Variants in COL25A1 observed in about 807,000 individuals in gnomAD.
COL25A1 encodes collagen alpha-1(XXV) chain.
Under a neutral mutation model 128.4 loss-of-function variants are expected in COL25A1, and 103 were observed. The observed-to-expected ratio is 0.80, with a 90% CI of 0.68 to 0.94. COL25A1 has a LOEUF of 0.94. Among genes scored for constraint, COL25A1 ranks in the 40% least tolerant of loss-of-function variants. The pLI is 0.00. For missense variants in COL25A1, 745 were observed against 840.0 expected (o/e 0.89, Z 1.40); for synonymous variants, 279 against 277.2 (o/e 1.01, Z -0.06).
chr4:108,984,489 G>T (rs575868328), intron 6 of COL25A1, among the ~76,000 whole-genome samples: 1 of 152,168 alleles, frequency 6.6e-6, no homozygotes, highest in Admixed American at 6.5e-5. Context: ...CATGAGGGGG[G>T]CGGGAGGGAG....
chr4:109,143,827 T>C (rs957501466), intron 3 of COL25A1, among the ~76,000 whole-genome samples: 1 of 152,194 alleles, frequency 6.6e-6, no homozygotes, highest in African/African-American at 2.4e-5. Context: ...CTTCCTTGCA[T>C]TGGGTTACAG....
chr4:108,981,370 T>C (rs1176051611), intron 6 of COL25A1, among the ~76,000 whole-genome samples: 2 of 152,218 alleles, frequency 1.3e-5, no homozygotes, highest in Non-Finnish European at 2.9e-5. Context: ...TAAGTTGTTT[T>C]ATAGACTTTC....
intron 16 of COL25A1, among the ~76,000 whole-genome samples, chr4:108,891,357 T>C (rs1427230043): frequency 2.6e-5 from 4 of 152,218 alleles, no homozygotes; most frequent in Non-Finnish European, 5.9e-5. Flanking sequence ...AAGACCCTAA[T>C]ACTGTCTTAC....
At chr4:109,010,701 TAAAG>T (rs1014397305) in intron 5 of COL25A1, among the ~76,000 whole-genome samples, 6 of 152,178 alleles carry the variant, frequency 3.9e-5, no homozygotes, top group Admixed American at 6.5e-5. Flanking sequence ...AGGGGTTACT[TAAAG>T]AAAGAGTCTT....
At chr4:108,875,822 T>A (rs1739380201) in intron 19 of COL25A1, among the ~76,000 whole-genome samples, 4 of 152,116 alleles carry the variant, frequency 2.6e-5, no homozygotes. Context: ...CAAATGTCCA[T>A]CAATGAGAGA....
chr4:109,218,270 T>C (rs1778148778), intron 3 of COL25A1, among the ~76,000 whole-genome samples: 1 of 151,704 alleles, frequency 6.6e-6, no homozygotes, highest in South Asian at 2.1e-4. Context: ...ACTTTGTACA[T>C]TAGGAGACAT....
chr4:109,114,958 C>T (rs577955418), intron 3 of COL25A1, among the ~76,000 whole-genome samples: 1 of 152,148 alleles, frequency 6.6e-6, no homozygotes, highest in Admixed American at 6.6e-5. Flanking sequence ...AATCAAACAA[C>T]AGTCAAATTA....
rs1398828747 is a variant in COL25A1, at chr4:109,208,497, AC to A, written c.367+92085del. ...ATATCAGTTAATAAAAAAAAAAAAA[AC>A]AAATTATTAAATCTCATTCAGATAG... On this transcript the variant is annotated intron_variant, in intron 3 of 37. Transcript: ENST00000399132. 2.7e-5 allele frequency among the ~76,000 whole-genome samples: 4 copies of A among 149,624 alleles called. No individual in the cohort carries two copies. The East Asian group carries it at 8.9e-4, about 33-fold the overall frequency.
At chr4:109,178,854 A>G (rs1274483088) in intron 3 of COL25A1, among the ~76,000 whole-genome samples, 2 of 151,094 alleles carry the variant, frequency 1.3e-5, no homozygotes, top group East Asian at 3.9e-4. Flanking sequence ...AAAAAAAAAA[A>G]AAAAAATGGA....
intron 3 of COL25A1, among the ~76,000 whole-genome samples, chr4:109,299,695 T>A (rs1280028140): frequency 6.6e-6 from 1 of 152,204 alleles, no homozygotes; most frequent in Non-Finnish European, 1.5e-5. Context: ...GAAACTATCA[T>A]GTTCATAAAT....
At chr4:109,237,231 T>G (rs946062482) in intron 3 of COL25A1, among the ~76,000 whole-genome samples, 5 of 151,966 alleles carry the variant, frequency 3.3e-5, no homozygotes, top group Non-Finnish European at 7.4e-5. Flanking sequence ...AAAAAAACAT[T>G]TCTAATGTGA....
rs562934713 is a variant in COL25A1 at position 108,937,759 on chromosome 4, T to C, written c.708+49A>G. On this transcript the variant is annotated intron_variant, in intron 11 of 37. Coordinates refer to ENST00000399132, the MANE Select transcript of COL25A1 (RefSeq NM_198721.4). ...TCATCACACATAATCTTGACCATAGTTGTAAACAACCAGGCTTAGTATAGA... is the reference window on the plus strand; with the variant it reads ...TCATCACACATAATCTTGACCATAGCTGTAAACAACCAGGCTTAGTATAGA... 3.0e-5 allele frequency: 45 copies of C among 1,479,396 alleles called. No homozygotes were observed. In the African/African-American group the frequency reaches 5.9e-4, roughly 20 times the overall value. The allele number at this position is 1,479,396 out of a possible 1,614,324, so 91.6% of individuals were successfully genotyped here. A position where few individuals can be genotyped will look rare whatever the true frequency, so the allele number is the denominator to read the frequency against.
chr4:108,858,009 T>C (rs1736719675), intron 24 of COL25A1, among the ~76,000 whole-genome samples: 1 of 151,932 alleles, frequency 6.6e-6, no homozygotes, highest in African/African-American at 2.4e-5. Context: ...AGAATTTATA[T>C]GGGAAAGAAA....
rs150760453 is a variant in COL25A1, at chr4:109,228,242, C to T, written c.367+72341G>A. On this transcript the variant is annotated intron_variant, in intron 3 of 37. Coordinates refer to ENST00000399132, the MANE Select transcript of COL25A1 (RefSeq NM_198721.4). Reference sequence around the variant, plus strand: ...CCTCACAGACACACCTAAAATAATGCTCTACCAGGTTTCTAGGTACTCCTT... The same window carrying T: ...CCTCACAGACACACCTAAAATAATGTTCTACCAGGTTTCTAGGTACTCCTT... 3.3e-5 allele frequency among the ~76,000 whole-genome samples: 5 copies of T among 152,204 alleles called. No homozygotes were observed. The East Asian group carries it at 9.6e-4, about 29-fold the overall frequency.
At chr4:109,008,750 C>T (rs1162604552) in intron 6 of COL25A1, among the ~76,000 whole-genome samples, 2 of 41,864 alleles carry the variant, frequency 4.8e-5, no homozygotes, top group Admixed American at 3.7e-4. Context: ...CACATACATG[C>T]GCGCGCACAC....
intron 3 of COL25A1, among the ~76,000 whole-genome samples, chr4:109,230,365 T>C (rs1004249354): frequency 6.6e-6 from 1 of 152,186 alleles, no homozygotes; most frequent in East Asian, 1.9e-4. Context: ...CTAAGGTCCT[T>C]TTTCAGTGAT....
intron 6 of COL25A1, among the ~76,000 whole-genome samples, chr4:109,003,755 G>A (rs534014056): frequency 3.3e-5 from 5 of 152,226 alleles, no homozygotes; most frequent in East Asian, 1.9e-4. Context: ...AGCCAAGATC[G>A]CGCCATTGCA....
rs543716898 is a variant in COL25A1 at position 109,237,621 on chromosome 4, C to CT, written c.367+62961dup. Among the ~76,000 whole-genome samples the CT allele has an allele frequency of 5.9e-3, 808 of 136,826 alleles. 5 individuals are homozygous for CT. Among genetic ancestry groups the CT allele is most frequent in the African/African-American group, 0.012 (461 of 38,388 alleles). 89.8% of individuals were successfully genotyped at this position (136,826 alleles called of 152,430 possible). The stretch of plus-strand genomic sequence containing the variant: ...GGTAAAGGAATGGCTTGATGGCAAT[C>CT]TTTTTTTTTTTTTTGCTTTAAAAAA... On this transcript the variant is annotated intron_variant, in intron 3 of 37. Transcript: ENST00000399132.
At chr4:108,829,260 T>C (rs143146385) in intron 32 of COL25A1, among the ~76,000 whole-genome samples, 1 of 152,232 alleles carries the variant, frequency 6.6e-6, no homozygotes, top group Middle Eastern at 3.4e-3. Flanking sequence ...CCTTGCACTT[T>C]AGGAGTTCAA....
Sources: allele counts gnomAD v4.1 joint callset (sites outside exome capture counted in the v4.1 genomes callset), GRCh38; gene constraint gnomAD v4.1.1; transcripts MANE v1.5; gene names NCBI Gene and HGNC (gene_info 2026-07-23, HGNC 2026-07-21).